Variants in NRG1 observed in about 807,000 individuals in gnomAD.
The protein encoded by NRG1 is pro-neuregulin-1, membrane-bound isoform.
A neutral mutation model predicts 63.8 loss-of-function variants in NRG1; 18 were observed. That is an observed-to-expected ratio of 0.28 (90% CI 0.19 to 0.42). NRG1 has a LOEUF of 0.42. NRG1 is among the 10% of genes least tolerant of loss of function. The probability of loss-of-function intolerance (pLI) is 1.00; values close to 1 mark genes in which losing one functional copy is unlikely to be tolerated. For missense variants in NRG1, 762 were observed against 814.7 expected (o/e 0.94, Z 0.79); for synonymous variants, 302 against 301.3 (o/e 1.00, Z -0.02).
intron 1 of NRG1, among the ~76,000 whole-genome samples, chr8:32,364,111 A>C (rs1428701459): frequency 8.5e-6 from 1 of 118,120 alleles, no homozygotes; most frequent in Non-Finnish European, 1.7e-5. Flanking sequence ...CTGGTGTTTC[A>C]AAATGTCATT....
At chr8:32,427,307 T>C (rs1189573168) in intron 1 of NRG1, among the ~76,000 whole-genome samples, 6 of 152,222 alleles carry the variant, frequency 3.9e-5, no homozygotes. Context: ...TTATTTTTCT[T>C]TGGACATGGC....
chr8:32,096,526 A>G (rs1829925999), intron 1 of NRG1, among the ~76,000 whole-genome samples: 1 of 152,226 alleles, frequency 6.6e-6, no homozygotes, highest in Admixed American at 6.5e-5. Context: ...AAATTAATTT[A>G]TAAAGAAAAA....
At chr8:31,740,892 C>A (rs541545872) in intron 1 of NRG1, among the ~76,000 whole-genome samples, 10 of 152,094 alleles carry the variant, frequency 6.6e-5, no homozygotes, top group Middle Eastern at 6.8e-3. Flanking sequence ...GAAAACAAAT[C>A]GTTTTACCAA....
At chr8:31,656,228 C>T (rs975215273) in intron 1 of NRG1, among the ~76,000 whole-genome samples, 6 of 152,242 alleles carry the variant, frequency 3.9e-5, no homozygotes, top group African/African-American at 1.4e-4. Flanking sequence ...GCAATTAGAG[C>T]AGTGAAAGGA....
intron 1 of NRG1, among the ~76,000 whole-genome samples, chr8:32,438,701 G>A (rs1026046488): frequency 2.6e-5 from 4 of 152,126 alleles, no homozygotes; most frequent in African/African-American, 9.6e-5. Flanking sequence ...GCATTTGGTG[G>A]TGTTACTTTT....
At chr8:32,745,497 GAA>G (rs1247530273) in intron 7 of NRG1, among the ~76,000 whole-genome samples, 1 of 152,164 alleles carries the variant, frequency 6.6e-6, no homozygotes, top group East Asian at 1.9e-4. Flanking sequence ...CTTAAAATAT[GAA>G]AGAGAGGGAC....
upstream of NRG1, among the ~76,000 whole-genome samples, chr8:32,546,673 G>A (rs984552609): frequency 2.0e-5 from 3 of 152,152 alleles, no homozygotes; most frequent in Admixed American, 1.3e-4. Context: ...TTTGGTGTTT[G>A]TAGGAAGGCT....
intron 1 of NRG1, among the ~76,000 whole-genome samples, chr8:31,645,480 T>A (rs536498989): frequency 1.3e-5 from 2 of 152,322 alleles, no homozygotes; most frequent in South Asian, 4.1e-4. Context: ...CCCTGGATTT[T>A]CGTCCCTAAA....
At chr8:32,101,636 G>T (rs192491179) in intron 1 of NRG1, among the ~76,000 whole-genome samples, 1 of 152,184 alleles carries the variant, frequency 6.6e-6, no homozygotes, top group Non-Finnish European at 1.5e-5. Context: ...CGTCATCAAG[G>T]CAACAACAAA....
chr8:31,837,951 AT>A (rs974322475), intron 1 of NRG1, among the ~76,000 whole-genome samples: 14 of 152,168 alleles, frequency 9.2e-5, no homozygotes, highest in Admixed American at 5.9e-4. Context: ...GAGCATGCAG[AT>A]GTCTCTTCTA....
chr8:32,360,836 A>G (rs1807108942), intron 1 of NRG1, among the ~76,000 whole-genome samples: 1 of 152,148 alleles, frequency 6.6e-6, no homozygotes. Context: ...CCTTCCTCCA[A>G]TTACAGATGG....
At chr8:32,209,463 C>T (rs1844430988) in intron 1 of NRG1, among the ~76,000 whole-genome samples, 1 of 151,896 alleles carries the variant, frequency 6.6e-6, no homozygotes, top group Non-Finnish European at 1.5e-5. Context: ...TTTATAAAAG[C>T]CTTTTATAAA....
intron 1 of NRG1, among the ~76,000 whole-genome samples, chr8:31,712,963 A>G (rs1363878230): frequency 6.6e-6 from 1 of 150,552 alleles, no homozygotes; most frequent in Admixed American, 6.6e-5. Flanking sequence ...TCAATCAGTC[A>G]TCTCTCTGTC....
intron 1 of NRG1, among the ~76,000 whole-genome samples, chr8:31,779,615 C>T (rs1324947210): frequency 1.3e-5 from 2 of 151,984 alleles, no homozygotes; most frequent in Non-Finnish European, 2.9e-5. Context: ...AAAATGTAGG[C>T]CATTTGAATT....
At chr8:32,650,235 A>G (rs1854710522) in intron 5 of NRG1, among the ~76,000 whole-genome samples, 1 of 152,120 alleles carries the variant, frequency 6.6e-6, no homozygotes, top group Admixed American at 6.6e-5. Context: ...TCCCCAAGCC[A>G]GGGCATTGAT....
At chr8:32,624,643 A>AT (rs1848889170) in intron 5 of NRG1, among the ~76,000 whole-genome samples, 1 of 152,230 alleles carries the variant, frequency 6.6e-6, no homozygotes, top group Non-Finnish European at 1.5e-5. Context: ...TTTTTTTAAA[A>AT]GACTCATTAG....
At chr8:31,680,179 T>C (rs909510516) in intron 1 of NRG1, among the ~76,000 whole-genome samples, 13 of 152,096 alleles carry the variant, frequency 8.5e-5, no homozygotes, top group African/African-American at 3.1e-4. Flanking sequence ...TTAGGGTACA[T>C]GTGCACAATG....
In NRG1 at chr8:32,358,635, A is replaced by G. The variant is rs537546062; in HGVS notation, c.38-237193A>G. Among the ~76,000 whole-genome samples, 9 of 152,298 alleles carry G rather than the reference A, an allele frequency of 5.9e-5. No individual in the cohort carries two copies. The South Asian group carries it at 1.2e-3, about 21-fold the overall frequency. On this transcript the variant is annotated intron_variant, in intron 1 of 10. Transcript: ENST00000519301. ...AGGTGACAAGGCTGAAAAATCTCAT[A>G]GATTCTCCATTTTGCAGAGACTTAT...
intron 1 of NRG1, among the ~76,000 whole-genome samples, chr8:31,973,802 A>T (rs1807697963): frequency 6.6e-6 from 1 of 152,206 alleles, no homozygotes; most frequent in South Asian, 2.1e-4. Flanking sequence ...ATTGTCTTTA[A>T]TGAACCAAAT....
Sources: allele counts gnomAD v4.1 joint callset (sites outside exome capture counted in the v4.1 genomes callset), GRCh38; gene constraint gnomAD v4.1.1; transcripts MANE v1.5; gene names NCBI Gene and HGNC (gene_info 2026-07-23, HGNC 2026-07-21).